DLG3: variants seen among roughly 807,000 people sequenced by gnomAD.
DLG3 encodes the protein disks large homolog 3.
DLG3 carries 1 observed loss-of-function variant against 64.1 expected under a neutral mutation model. The observed-to-expected ratio is 0.02, with a 90% CI of 0.01 to 0.07. DLG3 has a LOEUF of 0.07. Among genes scored for constraint, DLG3 ranks in the 10% least tolerant of loss-of-function variants. The pLI, the probability that DLG3 is intolerant of heterozygous loss-of-function variation, is 1.00. For missense variants in DLG3, 429 were observed against 669.5 expected (o/e 0.64, Z 3.96); for synonymous variants, 245 against 259.8 (o/e 0.94, Z 0.55).
chrX:70,471,331 C>CTTT (rs756585636), intron 9 of DLG3, among the ~76,000 whole-genome samples: 2 of 100,748 alleles, frequency 2.0e-5, no homozygotes, highest in Non-Finnish European at 2.0e-5. Context: ...GAAGACATAA[C>CTTT]TTTTTTTTTT....
chrX:70,482,668 T>TTTTTA (rs2087181097), intron 10 of DLG3, among the ~76,000 whole-genome samples: 1 of 86,088 alleles, frequency 1.2e-5, no homozygotes, highest in African/African-American at 4.6e-5. Context: ...TGGTGTTTTT[T>TTTTTA]TTTTTTTTTT....
chrX:70,467,514 T>C (rs1397618686), intron 9 of DLG3, among the ~76,000 whole-genome samples: 1 of 112,029 alleles, frequency 8.9e-6, no homozygotes, highest in Non-Finnish European at 1.9e-5. Context: ...ATTTTCTGAG[T>C]TTCTTCCACA....
chrX:70,451,831 AG>A (rs1039397444), intron 6 of DLG3, 35 bp from the exon 7 acceptor site: 1 of 1,206,449 alleles, frequency 8.3e-7, no homozygotes, highest in Non-Finnish European at 1.1e-6. Context: ...TCCCTGGACC[AG>A]TCTCTGAACT....
chrX:70,449,354 TG>T lies in DLG3; in HGVS notation c.409-4del. Reference sequence around the variant, plus strand: ...CAGACTGTGCCTTTCCACCCACTTCTGCAGGGCAACTCTGGCCTGGGCTTCA... The same window carrying T: ...CAGACTGTGCCTTTCCACCCACTTCTCAGGGCAACTCTGGCCTGGGCTTCA... On this transcript the variant is annotated splice_polypyrimidine_tract_variant and splice_region_variant and intron_variant, in intron 2 of 18. Coordinates refer to ENST00000374360, the MANE Select transcript of DLG3 (RefSeq NM_021120.4). 8.3e-7 allele frequency: 1 copy of T among 1,211,811 alleles called. No individual in the cohort carries two copies. Among genetic ancestry groups the T allele is most frequent in the Non-Finnish European group, 1.1e-6 (1 of 895,508 alleles).
intron 10 of DLG3, among the ~76,000 whole-genome samples, chrX:70,485,597 A>G (rs1217669674): frequency 1.8e-5 from 2 of 111,878 alleles, no homozygotes; most frequent in Middle Eastern, 4.2e-3. Flanking sequence ...CTTTGAGGCT[A>G]TAGCGCTAAA....
intron 9 of DLG3, among the ~76,000 whole-genome samples, chrX:70,457,503 T>C: frequency 8.9e-6 from 1 of 111,881 alleles, no homozygotes; most frequent in East Asian, 2.8e-4. Context: ...CCATACAGTT[T>C]CCTCATTTAG....
intron 9 of DLG3, among the ~76,000 whole-genome samples, chrX:70,468,250 A>T (rs969713698): frequency 9.0e-6 from 1 of 110,833 alleles, no homozygotes; most frequent in African/African-American, 3.3e-5. Context: ...TTGTATTTCT[A>T]GTAGAGATGG....
chrX:70,463,418 A>T (rs762522417), intron 9 of DLG3, among the ~76,000 whole-genome samples: 12 of 111,498 alleles, frequency 1.1e-4, no homozygotes, highest in Non-Finnish European at 1.9e-4. Context: ...AAGTGCTGGG[A>T]TTACAGGCTT....
chrX:70,446,209 T>C (rs1021380500), intron 1 of DLG3, among the ~76,000 whole-genome samples: 2 of 110,639 alleles, frequency 1.8e-5, no homozygotes, highest in African/African-American at 6.6e-5. Context: ...TACATGTATA[T>C]GTGTGTGAGC....
At chrX:70,495,354 T>TC in intron 12 of DLG3, 54 bp from the exon 13 acceptor site, 1 of 1,119,185 alleles carries the variant, frequency 8.9e-7, no homozygotes, top group Non-Finnish European at 1.2e-6. Context: ...CCCTTCCCCT[T>TC]CCCCCCTCTT....
intron 9 of DLG3, among the ~76,000 whole-genome samples, chrX:70,472,646 G>A (rs1189622097): frequency 1.8e-5 from 2 of 112,051 alleles, no homozygotes; most frequent in African/African-American, 6.5e-5. Context: ...TTTGGATGCT[G>A]TAAGAGCAGG....
At chrX:70,475,842 C>A (rs189023921) in intron 9 of DLG3, among the ~76,000 whole-genome samples, 1 of 111,930 alleles carries the variant, frequency 8.9e-6, no homozygotes, top group Non-Finnish European at 1.9e-5. Flanking sequence ...TTAGGGCTTT[C>A]CTTTCCTGAA....
At chrX:70,501,405 C>CTGTGTGTGTG (rs1443311416) in intron 18 of DLG3, among the ~76,000 whole-genome samples, 3 of 45,543 alleles carry the variant, frequency 6.6e-5, no homozygotes, top group Admixed American at 2.6e-4. Context: ...GGGTGTCTGT[C>CTGTGTGTGTG]TGTCTGTCTG....
At chrX:70,450,594 C>T in intron 5 of DLG3, 45 bp from the exon 6 acceptor site, 1 of 1,204,729 alleles carries the variant, frequency 8.3e-7, no homozygotes, top group Non-Finnish European at 1.1e-6. Context: ...CCTGGAGAAG[C>T]CTCTCCTTCT....
At chrX:70,487,003 A>G (rs1382542542) in intron 10 of DLG3, among the ~76,000 whole-genome samples, 2 of 112,055 alleles carry the variant, frequency 1.8e-5, no homozygotes, top group South Asian at 3.7e-4. Context: ...GCTGCTTCTT[A>G]AAGATCTTAG....
Position 70,504,865 on chromosome X carries a change from A to G in DLG3, c.*2596A>G, listed in dbSNP as rs1442814041. 2 of 112,497 alleles carry G rather than the reference A, an allele frequency of 1.8e-5. No individual in the cohort carries two copies. The highest frequency in any genetic ancestry group is 3.8e-5 in the Non-Finnish European group (2 of 53,247). The allele number at this position is 112,497 out of a possible 1,213,427, so 9.3% of individuals were successfully genotyped here. A position where few individuals can be genotyped will look rare whatever the true frequency, so the allele number is the denominator to read the frequency against. ...CCCTCTGAGGAGGGGAGGGATGCTT[A>G]GAGCAGGCAGTTCTGGCAGTTCTGA... On this transcript the variant is annotated 3_prime_UTR_variant, in exon 19 of 19. Transcript: ENST00000374360.
intron 10 of DLG3, among the ~76,000 whole-genome samples, chrX:70,487,473 A>G (rs2087273856): frequency 9.0e-6 from 1 of 111,493 alleles, no homozygotes; most frequent in African/African-American, 3.3e-5. Flanking sequence ...GCTTCCCCAA[A>G]CTAGATGTGA....
rs769497695 is a variant in DLG3, at chrX:70,482,433, ATAT to A, written c.1520+3173_1520+3175del. 4.5e-5 allele frequency among the ~76,000 whole-genome samples: 5 copies of A among 111,510 alleles called. No individual in the cohort carries two copies. The South Asian group carries it at 1.5e-3, about 34-fold the overall frequency. On this transcript the variant is annotated intron_variant, in intron 10 of 18. Coordinates refer to ENST00000374360, the MANE Select transcript of DLG3 (RefSeq NM_021120.4). ...TCCCTTTAATAATCCTACAGAGTAG[ATAT>A]TATGATTCCCATTTTGCAGATGAGA...
At chrX:70,454,805 T>G (rs1259839552) in intron 9 of DLG3, among the ~76,000 whole-genome samples, 1 of 112,702 alleles carries the variant, frequency 8.9e-6, no homozygotes, top group African/African-American at 3.2e-5. Context: ...GAAAAGGTGA[T>G]ACTATGCCCT....
Sources: allele counts gnomAD v4.1 joint callset (sites outside exome capture counted in the v4.1 genomes callset), GRCh38; gene constraint gnomAD v4.1.1; transcripts MANE v1.5; gene names NCBI Gene and HGNC (gene_info 2026-07-23, HGNC 2026-07-21).